SEC24B: variants seen among roughly 807,000 people sequenced by gnomAD.
SEC24B encodes protein transport protein Sec24B.
In SEC24B, 45 loss-of-function variants were observed where a neutral mutation model predicts 142.8. That is an observed-to-expected ratio of 0.32 (90% confidence interval 0.25 to 0.40). The LOEUF is 0.40. SEC24B is among the 10% of genes least tolerant of loss of function. The pLI is 1.00. For synonymous variants in SEC24B, 574 were observed against 568.2 expected, an observed-to-expected ratio of 1.01 and a Z score of -0.15; for missense variants, 1,409 against 1,526.8, an observed-to-expected ratio of 0.92 and a Z score of 1.29.
chr4:109,529,209 T>C (rs749846321), intron 18 of SEC24B, among the ~76,000 whole-genome samples: 1 of 152,120 alleles, frequency 6.6e-6, no homozygotes. Flanking sequence ...TTCTCTTAAA[T>C]ATTTAACTAA....
chr4:109,537,184 A>T (rs956262805), intron 22 of SEC24B, among the ~76,000 whole-genome samples: 1 of 152,192 alleles, frequency 6.6e-6, no homozygotes, highest in Non-Finnish European at 1.5e-5. Flanking sequence ...TAGGAAAAAA[A>T]ATAGTAATTT....
At chr4:109,497,573 T>G (rs1207882769) in intron 6 of SEC24B, among the ~76,000 whole-genome samples, 1 of 151,428 alleles carries the variant, frequency 6.6e-6, no homozygotes, top group African/African-American at 2.4e-5. Flanking sequence ...TTTTTTTACA[T>G]AATTGGAAGC....
intron 6 of SEC24B, among the ~76,000 whole-genome samples, chr4:109,504,927 GCAGAAGGTATAGA>G (rs371933312): frequency 4.7e-4 from 71 of 152,212 alleles, no homozygotes; most frequent in African/African-American, 1.7e-3. Context: ...AAAAAGAAAT[GCAGAAGGTATAGA>G]CATAGAGTTA....
At chr4:109,466,738 A>C (rs1731937029) in intron 2 of SEC24B, among the ~76,000 whole-genome samples, 1 of 152,156 alleles carries the variant, frequency 6.6e-6, no homozygotes, top group African/African-American at 2.4e-5. Flanking sequence ...TCAACCTTTG[A>C]ATAATTGACA....
intron 6 of SEC24B, among the ~76,000 whole-genome samples, chr4:109,504,888 A>G (rs1435876623): frequency 6.6e-5 from 10 of 152,162 alleles, no homozygotes; most frequent in Admixed American, 5.9e-4. Context: ...TCTATAGCAC[A>G]TTAACATAAT....
intron 1 of SEC24B, among the ~76,000 whole-genome samples, chr4:109,437,847 T>C (rs150067309): frequency 0.015 from 2,244 of 152,224 alleles, 38 homozygotes; most frequent in African/African-American, 0.038. Context: ...ATGGTCTCCA[T>C]CTCCTGACCT....
Position 109,539,794 on chromosome 4 carries a change from A to AC in SEC24B, c.*120dup. The AC allele has an allele frequency of 1.5e-6, 1 of 654,188 alleles. No individual in the cohort carries two copies. The highest frequency in any genetic ancestry group is 1.9e-5 in the South Asian group (1 of 52,826). 40.5% of individuals were successfully genotyped at this position (654,188 alleles called of 1,614,324 possible). A position where few individuals can be genotyped will look rare whatever the true frequency, so the allele number is the denominator to read the frequency against. On this transcript the variant is annotated 3_prime_UTR_variant, in exon 24 of 24. Coordinates refer to ENST00000265175, the MANE Select transcript of SEC24B (RefSeq NM_006323.5). ...GTTAATACAAGATGCAACGCACAGC[A>AC]CTCTGTCTGAGGCTTTGGTAAAAAG...
At position 109,462,907 on chromosome 4, in the gene SEC24B, C is replaced by CTTTTTTTTTTTTTTT; in HGVS notation, c.140_141insTTTTTTTTTTTTTTT (p.Ala47_Gln48insPhePhePhePhePhe). 2 of 1,594,402 alleles carry CTTTTTTTTTTTTTTT rather than the reference C, an allele frequency of 1.3e-6. No homozygotes were observed. The highest frequency in any genetic ancestry group is 3.4e-5 in the Admixed American group (2 of 59,268). On this transcript the variant is annotated inframe_insertion, in exon 2 of 24. Coordinates refer to ENST00000265175, the MANE Select transcript of SEC24B (RefSeq NM_006323.5). ...TAAATACTTGCTTTTTCAGGTCCAG[C>CTTTTTTTTTTTTTTT]CCAGAATCAAATGCAGGTTCCATCT...
At chr4:109,528,430 CAA>C (rs35976480) in intron 18 of SEC24B, among the ~76,000 whole-genome samples, 91 of 78,198 alleles carry the variant, frequency 1.2e-3, no homozygotes, top group Admixed American at 1.9e-3. Context: ...GACTGCATCT[CAA>C]AAAAAAAAAA....
At position 109,512,155 on chromosome 4, in the gene SEC24B, C is replaced by G; in HGVS notation, c.1903+72C>G. The G allele has an allele frequency of 2.2e-6, 3 of 1,350,124 alleles. No individual in the cohort carries two copies. The South Asian group carries it at 4.1e-5, about 18-fold the overall frequency. The allele number at this position is 1,350,124 out of a possible 1,614,324, so 83.6% of individuals were successfully genotyped here. ...TTTTTTTTGAGATTTTTGTCATCTC[C>G]TGGTTTCTCTCTTCATTGCTTTAAA... On this transcript the variant is annotated intron_variant, in intron 9 of 23. Transcript: ENST00000265175.
chr4:109,476,616 T>C (rs543293641), intron 3 of SEC24B, among the ~76,000 whole-genome samples: 18 of 152,370 alleles, frequency 1.2e-4, no homozygotes, highest in African/African-American at 4.3e-4. Flanking sequence ...CTTTTACTCT[T>C]TTTAACCTTC....
At chr4:109,532,348 C>G (rs1260322222) in intron 20 of SEC24B, among the ~76,000 whole-genome samples, 3 of 152,022 alleles carry the variant, frequency 2.0e-5, no homozygotes, top group African/African-American at 7.2e-5. Context: ...AAAAAGCTGG[C>G]TATGCAACAG....
intron 6 of SEC24B, 33 bp from the exon 7 acceptor site, chr4:109,506,295 G>A (rs1188229079): frequency 2.8e-6 from 4 of 1,422,134 alleles, no homozygotes; most frequent in East Asian, 2.5e-5. Context: ...ATGTTTTATT[G>A]TTCTTTTATT....
chr4:109,539,182 G>A (rs1234198001), intron 23 of SEC24B, among the ~76,000 whole-genome samples: 2 of 151,794 alleles, frequency 1.3e-5, no homozygotes, highest in East Asian at 3.9e-4. Flanking sequence ...GGCTGGTCTT[G>A]AACTCCTCAC....
chr4:109,476,529 A>G (rs1263799217), intron 3 of SEC24B, among the ~76,000 whole-genome samples: 1 of 152,224 alleles, frequency 6.6e-6, no homozygotes, highest in Non-Finnish European at 1.5e-5. Flanking sequence ...GCTGAGAAAC[A>G]TTGTTCACAT....
intron 1 of SEC24B, among the ~76,000 whole-genome samples, chr4:109,459,975 TC>T (rs1189756608): frequency 1.3e-5 from 2 of 152,298 alleles, no homozygotes; most frequent in East Asian, 3.9e-4. Context: ...TAATGAAAGA[TC>T]CTAACAGACT....
intron 15 of SEC24B, 21 bp downstream of exon 15, chr4:109,524,962 T>G: frequency 1.3e-6 from 2 of 1,581,796 alleles, no homozygotes; most frequent in Non-Finnish European, 1.7e-6. Context: ...TCATCATGGG[T>G]ACATTTGTTT....
chr4:109,442,802 A>G (rs1729064505), intron 1 of SEC24B, among the ~76,000 whole-genome samples: 1 of 152,156 alleles, frequency 6.6e-6, no homozygotes, highest in African/African-American at 2.4e-5. Context: ...GGTGGAAATC[A>G]TGACTGTTAC....
intron 10 of SEC24B, 66 bp downstream of exon 10, chr4:109,513,922 A>G (rs1578951584): frequency 2.0e-6 from 2 of 1,022,042 alleles, no homozygotes; most frequent in African/African-American, 1.6e-5. Context: ...ATTTTCTGTT[A>G]AGTGAACTCT....
Sources: gnomAD v4.1 joint callset for allele counts (sites outside exome capture counted in the v4.1 genomes callset) on GRCh38, gnomAD v4.1.1 for gene constraint, MANE v1.5 for transcripts, NCBI Gene and HGNC (gene_info 2026-07-23, HGNC 2026-07-21) for gene names.